The following COL24A1 variants were observed in gnomAD, a reference collection of about 807,000 sequenced individuals.
The protein encoded by COL24A1 is collagen alpha-1(XXIV) chain.
COL24A1 carries 224 observed loss-of-function variants against 253.9 expected under a neutral mutation model. The observed-to-expected ratio is 0.88, with a 90% CI of 0.79 to 0.99. COL24A1 has a LOEUF of 0.99. Among genes scored for constraint, COL24A1 ranks in the 50% least tolerant of loss-of-function variants. The pLI is 0.00. For synonymous variants in COL24A1, 685 were observed against 673.7 expected, an observed-to-expected ratio of 1.02 and a Z score of -0.26; for missense variants, 2,131 against 2,068.5, an observed-to-expected ratio of 1.03 and a Z score of -0.59.
At chr1:85,833,612 C>CT (rs1485805456) in intron 43 of COL24A1, among the ~76,000 whole-genome samples, 13 of 152,222 alleles carry the variant, frequency 8.5e-5, no homozygotes, top group Non-Finnish European at 1.8e-4. Context: ...CATCCCATTA[C>CT]TGGGTATATA....
chr1:85,998,807 C>T (rs75902207), intron 19 of COL24A1, among the ~76,000 whole-genome samples: 266 of 152,298 alleles, frequency 1.7e-3, no homozygotes, highest in African/African-American at 6.2e-3. Context: ...TTATGTAATG[C>T]AACCTACCGC....
Position 85,784,272 on chromosome 1 carries a change from A to G in COL24A1, c.4154T>C (p.Leu1385Pro), listed in dbSNP as rs1300506383. Residue 1385 changes from leucine to proline, a missense_variant, in exon 49 of 60, where the codon CTG (leucine) becomes CCG (proline). Coordinates refer to ENST00000370571, the MANE Select transcript of COL24A1 (RefSeq NM_152890.7). The stretch of plus-strand genomic sequence containing the variant: ...GGTGGTACATACAGGCTGCCCTTTC[A>G]GGCCAGGGTCTCCACATGGTCCTTG... Reference protein sequence around the residue: ...GDQGPCGDPGLKGQPGEYGVQ... With the variant: ...GDQGPCGDPGPKGQPGEYGVQ... 2.5e-6 allele frequency: 4 copies of G among 1,613,914 alleles called. No individual in the cohort carries two copies. Among genetic ancestry groups the G allele is most frequent in the African/African-American group, 1.3e-5 (1 of 74,922 alleles).
chr1:85,868,658 G>A (rs1301543284), intron 36 of COL24A1, 32 bp from the exon 37 acceptor site: 2 of 1,562,382 alleles, frequency 1.3e-6, no homozygotes, highest in East Asian at 2.2e-5. Context: ...TTCTATAAAG[G>A]AATACAGTGA....
chr1:85,977,647 T>TAATTA (rs1692821834), intron 20 of COL24A1, among the ~76,000 whole-genome samples: 1 of 152,074 alleles, frequency 6.6e-6, no homozygotes, highest in Non-Finnish European at 1.5e-5. Flanking sequence ...CAAAGCTTCC[T>TAATTA]AATTAACTCA....
chr1:85,781,361 GCC>G, intron 51 of COL24A1, 88 bp from the exon 52 acceptor site: 2 of 852,196 alleles, frequency 2.3e-6, no homozygotes, highest in Non-Finnish European at 3.7e-6. Flanking sequence ...TGGTAAAAGA[GCC>G]ATGTCTACAT....
chr1:86,117,521 G>C (rs1706269417), intron 3 of COL24A1, among the ~76,000 whole-genome samples: 1 of 152,128 alleles, frequency 6.6e-6, no homozygotes, highest in Non-Finnish European at 1.5e-5. Flanking sequence ...AACTAACTAA[G>C]ATGCAATTAA....
intron 24 of COL24A1, among the ~76,000 whole-genome samples, chr1:85,958,727 G>A (rs557818712): frequency 9.2e-5 from 14 of 152,064 alleles, no homozygotes; most frequent in Admixed American, 7.2e-4. Flanking sequence ...ACAGTTCTTC[G>A]AATACTTTCA....
intron 2 of COL24A1, among the ~76,000 whole-genome samples, chr1:86,136,644 ATTT>A (rs913940247): frequency 3.3e-5 from 5 of 152,032 alleles, no homozygotes; most frequent in African/African-American, 1.2e-4. Flanking sequence ...GTAGCGATGC[ATTT>A]GAGCCCAATC....
chr1:86,012,879 T>C (rs375603412), intron 19 of COL24A1, among the ~76,000 whole-genome samples: 21 of 152,340 alleles, frequency 1.4e-4, no homozygotes, highest in Admixed American at 9.8e-4. Context: ...TCCAGTTACA[T>C]TGGCATTCTT....
chr1:85,888,106 C>G (rs576683588), intron 32 of COL24A1, among the ~76,000 whole-genome samples: 86 of 152,050 alleles, frequency 5.7e-4, no homozygotes, highest in Admixed American at 1.4e-3. Flanking sequence ...AAGAATTATA[C>G]TTCACATACA....
chr1:85,986,550 T>C (rs1309008531), intron 20 of COL24A1, among the ~76,000 whole-genome samples: 1 of 151,868 alleles, frequency 6.6e-6, no homozygotes, highest in Non-Finnish European at 1.5e-5. Context: ...TTTGAAATCA[T>C]ATCTGTGTTA....
intron 55 of COL24A1, among the ~76,000 whole-genome samples, chr1:85,759,763 A>C (rs972266986): frequency 7.2e-5 from 11 of 152,152 alleles, no homozygotes; most frequent in Admixed American, 1.3e-4. Flanking sequence ...GTCTTACTCT[A>C]TTTTGGCTGT....
At chr1:85,775,576 G>T in intron 53 of COL24A1, 98 bp downstream of exon 53, 1 of 967,926 alleles carries the variant, frequency 1.0e-6, no homozygotes, top group Non-Finnish European at 1.6e-6. Context: ...ACAAGTATCA[G>T]AGACATAATA....
intron 32 of COL24A1, among the ~76,000 whole-genome samples, chr1:85,881,842 A>C (rs1235240031): frequency 6.6e-6 from 1 of 151,552 alleles, no homozygotes; most frequent in Non-Finnish European, 1.5e-5. Flanking sequence ...AATTTCACTG[A>C]TTTCTGCTGA....
chr1:85,817,940 C>T (rs1673211898), intron 46 of COL24A1, 94 bp downstream of exon 46: 2 of 973,960 alleles, frequency 2.1e-6, no homozygotes, highest in Admixed American at 1.9e-5. Context: ...ATTTATCCAA[C>T]ATGATGACAC....
At chr1:85,964,667 A>G (rs1433997068) in intron 23 of COL24A1, among the ~76,000 whole-genome samples, 2 of 152,192 alleles carry the variant, frequency 1.3e-5, no homozygotes, top group Admixed American at 6.6e-5. Flanking sequence ...GAGTATCAGC[A>G]TGACACTGAA....
chr1:85,836,278 A>C (rs1484713356), intron 43 of COL24A1, among the ~76,000 whole-genome samples: 3 of 152,246 alleles, frequency 2.0e-5, no homozygotes, highest in Non-Finnish European at 4.4e-5. Flanking sequence ...TCCCCAGCCA[A>C]GAATTCAGAA....
At chr1:85,735,091 C>A in intron 58 of COL24A1, 127 bp from the exon 59 acceptor site, 1 of 771,266 alleles carries the variant, frequency 1.3e-6, no homozygotes, top group Non-Finnish European at 2.1e-6. Flanking sequence ...AACTGAAGTG[C>A]CAGTCAGTGG....
chr1:86,106,929 G>A (rs1041079138), intron 5 of COL24A1, among the ~76,000 whole-genome samples: 2 of 152,138 alleles, frequency 1.3e-5, no homozygotes, highest in Non-Finnish European at 2.9e-5. Context: ...TATTTCTATT[G>A]TTTAACAATT....
Sources: gnomAD v4.1 joint callset for allele counts (sites outside exome capture counted in the v4.1 genomes callset) on GRCh38, gnomAD v4.1.1 for gene constraint, MANE v1.5 for transcripts, NCBI Gene and HGNC (gene_info 2026-07-23, HGNC 2026-07-21) for gene names.